Variants in PRDM5 observed in about 807,000 individuals in gnomAD.
PRDM5 encodes the protein PR domain zinc finger protein 5.
In PRDM5, 56 loss-of-function variants were observed where a neutral mutation model predicts 81.2. That is an observed-to-expected ratio of 0.69 (90% confidence interval 0.56 to 0.86). The LOEUF is 0.86. Ranked by LOEUF, PRDM5 falls within the 40% of genes least tolerant of loss-of-function variation. PRDM5 has a pLI of 0.00. For missense variants in PRDM5, 697 were observed against 770.1 expected (o/e 0.91, Z 1.12); for synonymous variants, 267 against 256.4 (o/e 1.04, Z -0.39).
chr4:120,794,552 CACACACAT>C (rs1162524495), intron 10 of PRDM5, among the ~76,000 whole-genome samples: 39 of 127,398 alleles, frequency 3.1e-4, no homozygotes, highest in Non-Finnish European at 4.3e-4. Flanking sequence ...CACACACACA[CACACACAT>C]ACAAATACAC....
intron 2 of PRDM5, among the ~76,000 whole-genome samples, chr4:120,864,132 G>C (rs1392181548): frequency 1.3e-5 from 2 of 152,208 alleles, no homozygotes; most frequent in African/African-American, 2.4e-5. Flanking sequence ...AACTGCGAAA[G>C]ATGAAGGGGA....
At chr4:120,910,926 A>C (rs1367162326) in intron 1 of PRDM5, among the ~76,000 whole-genome samples, 1 of 152,132 alleles carries the variant, frequency 6.6e-6, no homozygotes, top group East Asian at 1.9e-4. Context: ...TCACACTAGC[A>C]GATAGGAAAA....
At chr4:120,708,736 T>C (rs1736543165) in intron 15 of PRDM5, among the ~76,000 whole-genome samples, 1 of 152,156 alleles carries the variant, frequency 6.6e-6, no homozygotes, top group Non-Finnish European at 1.5e-5. Context: ...AGTAAAGGTC[T>C]GAGCTATGTG....
At chr4:120,847,429 G>A (rs1278503797) in intron 3 of PRDM5, among the ~76,000 whole-genome samples, 1 of 152,066 alleles carries the variant, frequency 6.6e-6, no homozygotes, top group Non-Finnish European at 1.5e-5. Flanking sequence ...CAGTTCAGTG[G>A]TGAAGAACTG....
Position 120,693,387 on chromosome 4 carries a change from A to C in PRDM5, c.*1724T>G, listed in dbSNP as rs1734207112. 6.6e-6 allele frequency: 1 copy of C among 152,134 alleles called. No individual in the cohort carries two copies. Among genetic ancestry groups the C allele is most frequent in the South Asian group, 2.1e-4 (1 of 4,826 alleles). The allele number at this position is 152,134 out of a possible 1,614,324, so 9.4% of individuals were successfully genotyped here. On this transcript the variant is annotated 3_prime_UTR_variant, in exon 16 of 16. Transcript: ENST00000264808. ...ATATTAAACACACTATCATATTAAA[A>C]TGAAAACACTTTAGATCTAAAAATA...
At chr4:120,718,693 C>T (rs969124142) in intron 14 of PRDM5, among the ~76,000 whole-genome samples, 3 of 151,924 alleles carry the variant, frequency 2.0e-5, no homozygotes, top group Admixed American at 2.0e-4. Context: ...TAAAAAAATC[C>T]ATGAGGCACA....
intron 7 of PRDM5, among the ~76,000 whole-genome samples, chr4:120,813,266 AAT>A (rs1239478945): frequency 1.3e-5 from 2 of 152,180 alleles, no homozygotes; most frequent in Non-Finnish European, 2.9e-5. Context: ...ATAACCATAA[AAT>A]ATGTTTTCAA....
At chr4:120,811,149 G>A (rs1753776907) in intron 8 of PRDM5, among the ~76,000 whole-genome samples, 1 of 151,040 alleles carries the variant, frequency 6.6e-6, no homozygotes. Flanking sequence ...GAATATATTG[G>A]ACCTTGTCAT....
At chr4:120,920,341 T>C (rs1331793523) in intron 1 of PRDM5, among the ~76,000 whole-genome samples, 1 of 152,336 alleles carries the variant, frequency 6.6e-6, no homozygotes, top group African/African-American at 2.4e-5. Flanking sequence ...AGTGGTATCT[T>C]CCAAAATTTG....
chr4:120,714,620 G>C (rs1191769483), intron 14 of PRDM5, among the ~76,000 whole-genome samples: 1 of 152,076 alleles, frequency 6.6e-6, no homozygotes, highest in African/African-American at 2.4e-5. Context: ...ATTATCTTAA[G>C]ATGTCTGGAA....
rs149119486 is a variant in PRDM5 at position 120,876,372 on chromosome 4, T to G, written c.178-22832A>C. ...TGTACTATTCATCATTCTTAATCAT[T>G]TAACATATGTAAAATTGTGCTATCA... On this transcript the variant is annotated intron_variant, in intron 2 of 15. Coordinates refer to ENST00000264808, the MANE Select transcript of PRDM5 (RefSeq NM_018699.4). 2.6e-4 allele frequency among the ~76,000 whole-genome samples: 40 copies of G among 152,336 alleles called. No individual in the cohort carries two copies. The East Asian group carries it at 7.3e-3, about 28-fold the overall frequency.
intron 3 of PRDM5, among the ~76,000 whole-genome samples, chr4:120,845,280 A>ACCAT (rs1347643211): frequency 6.6e-6 from 1 of 152,206 alleles, no homozygotes; most frequent in African/African-American, 2.4e-5. Flanking sequence ...GGAAGAAGAT[A>ACCAT]CCATCTAGAA....
chr4:120,815,961 T>C (rs1227503054), intron 7 of PRDM5: 2 of 186,670 alleles, frequency 1.1e-5, no homozygotes, highest in African/African-American at 4.8e-5. Context: ...GGAATTCAAA[T>C]AATATTTGTT....
intron 10 of PRDM5, among the ~76,000 whole-genome samples, chr4:120,788,950 C>T (rs943452840): frequency 2.0e-5 from 3 of 152,204 alleles, no homozygotes; most frequent in Non-Finnish European, 4.4e-5. Context: ...GAACTTCTGT[C>T]TCCAAGATAT....
intron 14 of PRDM5, among the ~76,000 whole-genome samples, chr4:120,713,530 A>G (rs1201710421): frequency 1.3e-5 from 2 of 152,100 alleles, no homozygotes; most frequent in Admixed American, 1.3e-4. Context: ...CATATATTTT[A>G]TTACATGTTT....
chr4:120,798,273 A>T lies in PRDM5; in HGVS notation c.1182T>A (p.His394Gln), dbSNP rs1229470478. Residue 394 changes from histidine to glutamine, a missense_variant, in exon 10 of 16, where the codon CAT becomes CAA. This residue lies in a region of PRDM5 where 577 missense variants were observed against 606.7 expected (regional missense o/e 0.95). Transcript: ENST00000264808. ...TAATATTAATAAGTTTTACCTTCTT[A>T]TGATTCTTGTAAACATTTCTGTGGG... is the stretch of plus-strand genomic sequence containing the variant. ...GFAHRNVYKN[H>Q]KKTHSEERPF... 6.3e-7 allele frequency: 1 copy of T among 1,590,456 alleles called. No homozygotes were observed. The highest frequency in any genetic ancestry group is 1.7e-5 in the Admixed American group (1 of 57,612).
intron 7 of PRDM5, among the ~76,000 whole-genome samples, chr4:120,814,999 A>G (rs1754303063): frequency 6.6e-6 from 1 of 152,252 alleles, no homozygotes; most frequent in African/African-American, 2.4e-5. Flanking sequence ...AAGAAGCCTC[A>G]AAGACATTGT....
intron 8 of PRDM5, among the ~76,000 whole-genome samples, chr4:120,807,044 A>G (rs1192351025): frequency 1.3e-5 from 2 of 152,276 alleles, no homozygotes; most frequent in Non-Finnish European, 2.9e-5. Context: ...GGTGAAGGAC[A>G]TAACAGACAC....
In PRDM5 at chr4:120,873,129, G is replaced by A. The variant is rs1309636926; in HGVS notation, c.178-19589C>T. Among the ~76,000 whole-genome samples, 7 of 152,070 alleles carry A rather than the reference G, an allele frequency of 4.6e-5. No individual in the cohort carries two copies. The East Asian group carries it at 1.3e-3, about 29-fold the overall frequency. Reference sequence around the variant, plus strand: ...CAATTCTCATGACTTAGCCTCCCAAGTAGCTGGGACTACAGACATGTGACA... The same window carrying A: ...CAATTCTCATGACTTAGCCTCCCAAATAGCTGGGACTACAGACATGTGACA... On this transcript the variant is annotated intron_variant, in intron 2 of 15. Coordinates refer to ENST00000264808, the MANE Select transcript of PRDM5 (RefSeq NM_018699.4).
Sources: gnomAD v4.1 joint callset for allele counts (sites outside exome capture counted in the v4.1 genomes callset) on GRCh38, gnomAD v4.1.1 for gene constraint, gnomAD v4.1.1 regional missense constraint, MANE v1.5 for transcripts, NCBI Gene and HGNC (gene_info 2026-07-23, HGNC 2026-07-21) for gene names.